SGCZ: variants seen among roughly 807,000 people sequenced by gnomAD.
SGCZ encodes the protein sarcoglycan zeta, also known as zeta-sarcoglycan.
Under a neutral mutation model 41.3 loss-of-function variants are expected in SGCZ, and 40 were observed. The ratio of observed to expected loss-of-function variants is 0.97; its 90% CI spans 0.75 to 1.26. SGCZ has a LOEUF of 1.26. Among genes scored for constraint, SGCZ ranks in the 50% most tolerant of loss-of-function variants. The probability of loss-of-function intolerance (pLI) is 0.00; values close to 1 mark genes in which losing one functional copy is unlikely to be tolerated. For missense variants in SGCZ, 552 were observed against 369.8 expected, an observed-to-expected ratio of 1.49 and a Z score of -4.04; for synonymous variants, 206 against 137.5, an observed-to-expected ratio of 1.50 and a Z score of -3.49.
intron 2 of SGCZ, among the ~76,000 whole-genome samples, chr8:14,415,254 A>T (rs192182676): frequency 3.0e-4 from 46 of 152,046 alleles, no homozygotes; most frequent in African/African-American, 1.1e-3. Context: ...AAGTTCCAAA[A>T]TTGCATAATG....
intron 1 of SGCZ, among the ~76,000 whole-genome samples, chr8:15,125,394 C>T (rs1201771362): frequency 6.6e-6 from 1 of 152,064 alleles, no homozygotes; most frequent in Non-Finnish European, 1.5e-5. Context: ...CACTTTTCTA[C>T]AAAAAGTGGT....
At chr8:14,797,383 G>C (rs1801169814) in intron 1 of SGCZ, among the ~76,000 whole-genome samples, 1 of 152,150 alleles carries the variant, frequency 6.6e-6, no homozygotes, top group African/African-American at 2.4e-5. Context: ...ATGGAGCAAA[G>C]AGGACACTTG....
intron 4 of SGCZ, among the ~76,000 whole-genome samples, chr8:14,170,868 T>C (rs1349436924): frequency 6.6e-6 from 1 of 152,010 alleles, no homozygotes; most frequent in Non-Finnish European, 1.5e-5. Flanking sequence ...ATTATGCAAG[T>C]GTAGAATCAA....
At chr8:14,505,178 TA>T (rs1162070948) in intron 2 of SGCZ, among the ~76,000 whole-genome samples, 1 of 151,974 alleles carries the variant, frequency 6.6e-6, no homozygotes, top group Non-Finnish European at 1.5e-5. Flanking sequence ...ATATAGAAAA[TA>T]TTTTTTTTCA....
At chr8:15,103,470 A>C (rs1464114204) in intron 1 of SGCZ, among the ~76,000 whole-genome samples, 1 of 152,066 alleles carries the variant, frequency 6.6e-6, no homozygotes, top group Admixed American at 6.6e-5. Flanking sequence ...GTTTTATAGA[A>C]GTAAAATCTC....
chr8:14,223,636 T>C (rs934144748), intron 4 of SGCZ, among the ~76,000 whole-genome samples: 1 of 152,160 alleles, frequency 6.6e-6, no homozygotes, highest in African/African-American at 2.4e-5. Flanking sequence ...AAGGGACAGA[T>C]GCTATAGGTA....
At chr8:14,280,169 T>A (rs1414313074) in intron 3 of SGCZ, among the ~76,000 whole-genome samples, 2 of 151,956 alleles carry the variant, frequency 1.3e-5, no homozygotes, top group Non-Finnish European at 2.9e-5. Context: ...CACTGTCAAT[T>A]ATAATGACAT....
intron 2 of SGCZ, among the ~76,000 whole-genome samples, chr8:14,375,380 A>C (rs1458259141): frequency 6.6e-6 from 1 of 152,220 alleles, no homozygotes; most frequent in Non-Finnish European, 1.5e-5. Context: ...CCAAAAATAT[A>C]TGTGAGAATA....
At chr8:15,188,648 T>C (rs1800427484) in intron 1 of SGCZ, among the ~76,000 whole-genome samples, 1 of 152,202 alleles carries the variant, frequency 6.6e-6, no homozygotes, top group Admixed American at 6.5e-5. Flanking sequence ...GGATCATTTG[T>C]ACTTAGCAGA....
chr8:14,320,448 T>A (rs1256448835), intron 3 of SGCZ, among the ~76,000 whole-genome samples: 3 of 150,506 alleles, frequency 2.0e-5, no homozygotes, highest in East Asian at 3.9e-4. Flanking sequence ...ATTATTATAA[T>A]TATTATTACT....
chr8:14,775,492 T>C lies in SGCZ; in HGVS notation c.40-220566A>G, dbSNP rs1044809500. Among the ~76,000 whole-genome samples the C allele has an allele frequency of 1.6e-4, 25 of 152,018 alleles. No individual in the cohort carries two copies. The South Asian group carries it at 3.9e-3, about 24-fold the overall frequency. ...GTGTGTGTGTGTGTGTGTGTGTGTG[T>C]GTGTGTGTACACAGGGGGGAATAGA... On this transcript the variant is annotated intron_variant, in intron 1 of 7. Transcript: ENST00000382080.
intron 1 of SGCZ, among the ~76,000 whole-genome samples, chr8:14,971,839 G>A (rs1801308904): frequency 2.6e-5 from 4 of 151,636 alleles, no homozygotes; most frequent in South Asian, 2.1e-4. Context: ...TAGTAGAGAC[G>A]GGGTTTCACC....
intron 1 of SGCZ, among the ~76,000 whole-genome samples, chr8:14,816,585 C>G (rs1372174228): frequency 6.6e-6 from 1 of 152,122 alleles, no homozygotes; most frequent in Non-Finnish European, 1.5e-5. Flanking sequence ...AACAAATTCT[C>G]AAGAGTTATT....
intron 2 of SGCZ, among the ~76,000 whole-genome samples, chr8:14,510,397 T>G (rs1585612561): frequency 1.3e-5 from 2 of 152,210 alleles, no homozygotes; most frequent in Middle Eastern, 6.8e-3. Flanking sequence ...TATAAAGGTT[T>G]TCCAATTTCA....
chr8:14,119,910 G>C (rs752611081), intron 5 of SGCZ, among the ~76,000 whole-genome samples: 11 of 152,140 alleles, frequency 7.2e-5, no homozygotes, highest in Admixed American at 3.3e-4. Context: ...CAGGGATGAA[G>C]CCCACTTGAT....
chr8:14,833,009 G>A (rs1429488714), intron 1 of SGCZ, among the ~76,000 whole-genome samples: 1 of 150,896 alleles, frequency 6.6e-6, no homozygotes, highest in Non-Finnish European at 1.5e-5. Context: ...TATTTTTATT[G>A]TATTATGTTG....
intron 1 of SGCZ, among the ~76,000 whole-genome samples, chr8:14,860,132 A>T (rs1161724147): frequency 6.6e-6 from 1 of 152,160 alleles, no homozygotes; most frequent in African/African-American, 2.4e-5. Context: ...CACATACAGA[A>T]ATTAAAAACT....
At chr8:14,751,347 G>C in intron 1 of SGCZ, among the ~76,000 whole-genome samples, 1 of 152,046 alleles carries the variant, frequency 6.6e-6, no homozygotes, top group South Asian at 2.1e-4. Context: ...GGATCCATTA[G>C]GGGAAAACAT....
intron 4 of SGCZ, among the ~76,000 whole-genome samples, chr8:14,173,714 G>A (rs1485761227): frequency 6.6e-6 from 1 of 151,778 alleles, no homozygotes. Flanking sequence ...AATGGAGCAG[G>A]AACAGAGGAT....
Sources: allele counts gnomAD v4.1 joint callset (sites outside exome capture counted in the v4.1 genomes callset), GRCh38; gene constraint gnomAD v4.1.1; transcripts MANE v1.5; gene names NCBI Gene and HGNC (gene_info 2026-07-23, HGNC 2026-07-21).